The following NEGR1 variants were observed in gnomAD, a reference collection of about 807,000 sequenced individuals.
NEGR1 encodes neuronal growth regulator 1, also known as IgLON family member 4.
Under a neutral mutation model 40.9 loss-of-function variants are expected in NEGR1, and 10 were observed. The ratio of observed to expected loss-of-function variants is 0.24; its 90% CI spans 0.15 to 0.42. The LOEUF (loss-of-function observed/expected upper bound fraction) is 0.42. NEGR1 is among the 10% of genes least tolerant of loss of function. NEGR1 has a pLI of 1.00. For synonymous variants in NEGR1, 185 were observed against 166.8 expected (o/e 1.11, Z -0.84); for missense variants, 352 against 438.9 (o/e 0.80, Z 1.77).
intron 1 of NEGR1, among the ~76,000 whole-genome samples, chr1:72,041,834 T>C (rs1400404164): frequency 6.9e-6 from 1 of 145,416 alleles, no homozygotes; most frequent in Non-Finnish European, 1.5e-5. Context: ...ACATTATATA[T>C]ATTTTATATA....
chr1:71,692,650 TG>T (rs1238292967), intron 4 of NEGR1, among the ~76,000 whole-genome samples: 1 of 151,808 alleles, frequency 6.6e-6, no homozygotes, highest in African/African-American at 2.4e-5. Context: ...TACTCCCCAG[TG>T]GCTTCTCATT....
intron 4 of NEGR1, among the ~76,000 whole-genome samples, chr1:71,671,221 A>C (rs747011044): frequency 6.6e-6 from 1 of 152,154 alleles, no homozygotes; most frequent in Non-Finnish European, 1.5e-5. Context: ...TCCAGAATAT[A>C]AGAGACTGTG....
intron 2 of NEGR1, among the ~76,000 whole-genome samples, chr1:71,788,959 T>C (rs1397905267): frequency 6.6e-6 from 1 of 152,116 alleles, no homozygotes; most frequent in Non-Finnish European, 1.5e-5. Context: ...AAAATACAAT[T>C]ATATCAAGTT....
At chr1:71,627,605 C>T (rs1433585903) in intron 4 of NEGR1, among the ~76,000 whole-genome samples, 1 of 151,918 alleles carries the variant, frequency 6.6e-6, no homozygotes, top group African/African-American at 2.4e-5. Flanking sequence ...ATCTTTAATG[C>T]CCATTAGTCA....
chr1:71,901,642 C>T (rs967542548), intron 2 of NEGR1, among the ~76,000 whole-genome samples: 1 of 150,568 alleles, frequency 6.6e-6, no homozygotes, highest in Admixed American at 6.6e-5. Flanking sequence ...TTCTAAACAC[C>T]ATTTTTCTAA....
intron 3 of NEGR1, among the ~76,000 whole-genome samples, chr1:71,704,145 T>C (rs1417719899): frequency 7.3e-6 from 1 of 136,080 alleles, no homozygotes; most frequent in Non-Finnish European, 1.5e-5. Flanking sequence ...AAATAGAATC[T>C]CTCTCTCTCT....
In NEGR1 at chr1:71,744,849, T is replaced by C. The variant is rs74379970; in HGVS notation, c.535+31323A>G. Reference sequence around the variant, plus strand: ...ATCATCCCAAGTTAATGAACTAAATTTACTTTACAAAGAAATAGTTTTATC... The same window carrying C: ...ATCATCCCAAGTTAATGAACTAAATCTACTTTACAAAGAAATAGTTTTATC... On this transcript the variant is annotated intron_variant, in intron 3 of 6. Transcript: ENST00000357731. Among the ~76,000 whole-genome samples the C allele has an allele frequency of 3.0e-3, 456 of 152,292 alleles. 1 individual carries two copies. Among genetic ancestry groups the C allele is most frequent in the Admixed American group, 4.9e-3 (75 of 15,290 alleles).
chr1:71,643,882 C>G (rs1651439191), intron 4 of NEGR1, among the ~76,000 whole-genome samples: 1 of 151,870 alleles, frequency 6.6e-6, no homozygotes, highest in African/African-American at 2.4e-5. Flanking sequence ...AAAACTGAAT[C>G]AAATTTAAAT....
In NEGR1 at chr1:71,738,249, C is replaced by CA. The variant is rs1655101465; in HGVS notation, c.535+37922dup. On this transcript the variant is annotated intron_variant, in intron 3 of 6. Coordinates refer to ENST00000357731, the MANE Select transcript of NEGR1 (RefSeq NM_173808.3). Reference sequence around the variant, plus strand: ...TGGAATCCGCTCTGGCCCAGCAAGTCAAGCACTTCTCAGCCCTGACAGATG... The same window carrying CA: ...TGGAATCCGCTCTGGCCCAGCAAGTCAAAGCACTTCTCAGCCCTGACAGATG... The CA allele has an allele frequency of 1.8e-5, 4 of 220,116 alleles. No individual in the cohort carries two copies. The South Asian group carries it at 3.8e-4, about 21-fold the overall frequency. 13.6% of individuals were successfully genotyped at this position (220,116 alleles called of 1,614,324 possible). A position where few individuals can be genotyped will look rare whatever the true frequency, so the allele number is the denominator to read the frequency against.
chr1:71,873,821 G>C (rs766527948), intron 2 of NEGR1, among the ~76,000 whole-genome samples: 30 of 152,056 alleles, frequency 2.0e-4, no homozygotes, highest in Non-Finnish European at 4.0e-4. Context: ...GGATGTGGTT[G>C]AATAGTTCAC....
chr1:71,677,643 A>T (rs1652688952), intron 4 of NEGR1, among the ~76,000 whole-genome samples: 1 of 152,178 alleles, frequency 6.6e-6, no homozygotes, highest in Non-Finnish European at 1.5e-5. Context: ...TGACAATTTA[A>T]CATAAATTAA....
intron 4 of NEGR1, 72 bp from the exon 5 acceptor site, chr1:71,611,218 T>A: frequency 2.2e-6 from 3 of 1,369,638 alleles, no homozygotes; most frequent in Admixed American, 3.7e-5. Context: ...ATGACACACA[T>A]ATATTTTTAT....
At chr1:72,147,416 G>A (rs1321842401) in intron 1 of NEGR1, among the ~76,000 whole-genome samples, 1 of 151,970 alleles carries the variant, frequency 6.6e-6, no homozygotes, top group Non-Finnish European at 1.5e-5. Context: ...GAATAGCAAG[G>A]AAAAGGCCAG....
intron 6 of NEGR1, among the ~76,000 whole-genome samples, chr1:71,562,718 T>C (rs1648500780): frequency 6.6e-6 from 1 of 151,952 alleles, no homozygotes; most frequent in Admixed American, 6.6e-5. Flanking sequence ...GTAAAAGCAG[T>C]GATTTGTTCA....
At chr1:71,713,871 T>A (rs1654186295) in intron 3 of NEGR1, among the ~76,000 whole-genome samples, 1 of 152,142 alleles carries the variant, frequency 6.6e-6, no homozygotes, top group African/African-American at 2.4e-5. Flanking sequence ...TTTATAACAA[T>A]ATAGATAAAC....
intron 4 of NEGR1, among the ~76,000 whole-genome samples, chr1:71,623,778 AT>A (rs941979881): frequency 4.6e-5 from 7 of 151,858 alleles, no homozygotes; most frequent in Admixed American, 6.6e-5. Context: ...GTATGGGTGT[AT>A]TTGGGGCCAA....
intron 2 of NEGR1, among the ~76,000 whole-genome samples, chr1:71,878,840 T>C (rs900828030): frequency 6.6e-6 from 1 of 152,164 alleles, no homozygotes; most frequent in Non-Finnish European, 1.5e-5. Context: ...CTTTAATAAG[T>C]GATATATCTG....
At chr1:72,070,946 C>T (rs113860749) in intron 1 of NEGR1, among the ~76,000 whole-genome samples, 2,278 of 152,018 alleles carry the variant, frequency 0.015, 54 homozygotes, top group African/African-American at 0.052. Context: ...CATGTCCATC[C>T]TTGAAACTTC....
intron 1 of NEGR1, among the ~76,000 whole-genome samples, chr1:71,984,507 AAC>A (rs1169365662): frequency 1.3e-5 from 2 of 152,156 alleles, no homozygotes; most frequent in Non-Finnish European, 2.9e-5. Flanking sequence ...TATAGAGAAA[AAC>A]AATAAAATTA....
Sources: allele counts gnomAD v4.1 joint callset (sites outside exome capture counted in the v4.1 genomes callset), GRCh38; gene constraint gnomAD v4.1.1; transcripts MANE v1.5; gene names NCBI Gene and HGNC (gene_info 2026-07-23, HGNC 2026-07-21).